Variants in SCD5 observed in about 807,000 individuals in gnomAD.
SCD5 encodes stearoyl-CoA desaturase 5.
A neutral mutation model predicts 30.4 loss-of-function variants in SCD5; 20 were observed. The ratio of observed to expected loss-of-function variants is 0.66; its 90% confidence interval spans 0.46 to 0.96. The LOEUF (loss-of-function observed/expected upper bound fraction) is 0.96, where lower values mean the gene tolerates loss of function less well. Ranked by LOEUF, SCD5 falls within the 40% of genes least tolerant of loss-of-function variation. SCD5 has a pLI of 0.00. For missense variants in SCD5, 381 were observed against 443.3 expected, an observed-to-expected ratio of 0.86 and a Z score of 1.26; for synonymous variants, 173 against 176.4, an observed-to-expected ratio of 0.98 and a Z score of 0.16.
At chr4:82,794,736 A>G (rs187564293) in intron 1 of SCD5, among the ~76,000 whole-genome samples, 5 of 144,720 alleles carry the variant, frequency 3.5e-5, no homozygotes, top group Non-Finnish European at 6.0e-5. Flanking sequence ...TGCAAGCTCC[A>G]CCTCCCAGGT....
In SCD5 at chr4:82,630,422, T is replaced by A. The variant is rs544679076; in HGVS notation, c.*905A>T. 1 of 152,208 alleles carries A rather than the reference T, an allele frequency of 6.6e-6. No homozygotes were observed. Among genetic ancestry groups the A allele is most frequent in the Non-Finnish European group, 1.5e-5 (1 of 68,046 alleles). 9.4% of individuals were successfully genotyped at this position (152,208 alleles called of 1,614,324 possible). A position where few individuals can be genotyped will look rare whatever the true frequency, so the allele number is the denominator to read the frequency against. On this transcript the variant is annotated 3_prime_UTR_variant, in exon 5 of 5. Coordinates refer to ENST00000319540, the MANE Select transcript of SCD5 (RefSeq NM_001037582.3). ...AGTTACCACATAGATCCCCCTTCTG[T>A]CTTCTACCCTGCCTCTCTGCTCCTT...
intron 1 of SCD5, among the ~76,000 whole-genome samples, chr4:82,755,653 G>C (rs553746333): frequency 2.0e-5 from 3 of 152,276 alleles, no homozygotes; most frequent in East Asian, 3.9e-4. Context: ...CGCTCAAAAA[G>C]GATGGCTTAA....
chr4:82,635,706 C>G (rs1727414243), intron 4 of SCD5, among the ~76,000 whole-genome samples: 1 of 151,776 alleles, frequency 6.6e-6, no homozygotes, highest in African/African-American at 2.4e-5. Context: ...ATTTAGCCCT[C>G]TAATGACCCA....
intron 3 of SCD5, among the ~76,000 whole-genome samples, chr4:82,656,311 G>C (rs1727867471): frequency 6.6e-6 from 1 of 152,108 alleles, no homozygotes; most frequent in Non-Finnish European, 1.5e-5. Context: ...TGTCCATGTG[G>C]TTTCATTGCT....
chr4:82,796,531 G>A (rs2148855912), intron 1 of SCD5, among the ~76,000 whole-genome samples: 1 of 152,304 alleles, frequency 6.6e-6, no homozygotes, highest in African/African-American at 2.4e-5. Context: ...GGAGAGAGGG[G>A]CCTTGTCCTT....
intron 1 of SCD5, among the ~76,000 whole-genome samples, chr4:82,762,527 G>A (rs1488744095): frequency 1.3e-5 from 2 of 152,202 alleles, no homozygotes; most frequent in African/African-American, 4.8e-5. Flanking sequence ...ACAGGCGTGA[G>A]CCATTGCATC....
intron 1 of SCD5, among the ~76,000 whole-genome samples, chr4:82,706,875 C>A (rs1017126617): frequency 6.6e-6 from 1 of 152,258 alleles, no homozygotes; most frequent in African/African-American, 2.4e-5. Context: ...CTTGCTTAAT[C>A]TAGCTTGCAC....
intron 1 of SCD5, among the ~76,000 whole-genome samples, chr4:82,747,658 T>C (rs1721023454): frequency 6.6e-6 from 1 of 152,274 alleles, no homozygotes; most frequent in Admixed American, 6.5e-5. Context: ...ATTTTTGTTA[T>C]GCCAGCCCTT....
chr4:82,776,631 G>A (rs978476021), intron 1 of SCD5, among the ~76,000 whole-genome samples: 1 of 152,120 alleles, frequency 6.6e-6, no homozygotes, highest in Non-Finnish European at 1.5e-5. Flanking sequence ...CTCTTCCAAC[G>A]AGCATCTGTC....
chr4:82,686,429 A>C (rs1728704877), intron 2 of SCD5, among the ~76,000 whole-genome samples: 1 of 152,246 alleles, frequency 6.6e-6, no homozygotes, highest in African/African-American at 2.4e-5. Context: ...GCAAATGAGC[A>C]CTACATATCA....
intron 2 of SCD5, among the ~76,000 whole-genome samples, chr4:82,701,936 C>T (rs1719852317): frequency 6.6e-6 from 1 of 152,066 alleles, no homozygotes; most frequent in South Asian, 2.1e-4. Flanking sequence ...CATCTCTCAC[C>T]TGGGTCCATC....
chr4:82,714,197 C>G (rs1025513885), intron 1 of SCD5, among the ~76,000 whole-genome samples: 1 of 152,212 alleles, frequency 6.6e-6, no homozygotes, highest in Non-Finnish European at 1.5e-5. Context: ...TCTCTTGACC[C>G]CACTTCCCCA....
intron 1 of SCD5, among the ~76,000 whole-genome samples, chr4:82,770,011 TC>T (rs1384289173): frequency 1.3e-5 from 2 of 152,198 alleles, no homozygotes; most frequent in Non-Finnish European, 2.9e-5. Flanking sequence ...TCTGTAAACT[TC>T]CTGTCACACC....
chr4:82,745,321 C>T (rs1030713238), intron 1 of SCD5, among the ~76,000 whole-genome samples: 1 of 152,194 alleles, frequency 6.6e-6, no homozygotes, highest in Non-Finnish European at 1.5e-5. Flanking sequence ...ACTCAAAAGT[C>T]CACGTAACCA....
At chr4:82,789,549 T>A (rs1385921660) in intron 1 of SCD5, among the ~76,000 whole-genome samples, 1 of 152,338 alleles carries the variant, frequency 6.6e-6, no homozygotes, top group East Asian at 1.9e-4. Context: ...AGGACCACAC[T>A]TTGAGTAGCA....
chr4:82,693,817 C>T (rs1357267278), intron 2 of SCD5, among the ~76,000 whole-genome samples: 1 of 152,192 alleles, frequency 6.6e-6, no homozygotes, highest in African/African-American at 2.4e-5. Flanking sequence ...AGGGCAGAGG[C>T]TGTATAGACA....
intron 1 of SCD5, among the ~76,000 whole-genome samples, chr4:82,786,715 C>T (rs1028294280): frequency 1.3e-5 from 2 of 150,984 alleles, no homozygotes; most frequent in African/African-American, 4.9e-5. Flanking sequence ...TCGCTTGAAC[C>T]CAGAAGGCAG....
intron 1 of SCD5, among the ~76,000 whole-genome samples, chr4:82,715,465 C>G (rs36008702): frequency 0.11 from 16,884 of 151,252 alleles, 1,128 homozygotes; most frequent in Admixed American, 0.17. Context: ...GCATCCAGAG[C>G]CTAGATTAGG....
Position 82,631,340 on chromosome 4 carries a change from T to C in SCD5, c.980A>G (p.Asp327Gly). The C allele has an allele frequency of 6.2e-7, 1 of 1,613,724 alleles. No homozygotes were observed. Among genetic ancestry groups the C allele is most frequent in the Non-Finnish European group, 8.5e-7 (1 of 1,179,826 alleles). Residue 327 changes from aspartate to glycine, a missense_variant, in exon 5 of 5, where the codon GAC becomes GGC. Transcript: ENST00000319540. The stretch of plus-strand genomic sequence containing the variant: ...GCTGTTCCAAGTTCAAGCACTGCTG[T>C]CTCCAGTCCTGGCCTTCCGGGCCTC... ...MIEARKARTG[D>G]SSA
Sources: gnomAD v4.1 joint callset for allele counts (sites outside exome capture counted in the v4.1 genomes callset) on GRCh38, gnomAD v4.1.1 for gene constraint, MANE v1.5 for transcripts, NCBI Gene and HGNC (gene_info 2026-07-23, HGNC 2026-07-21) for gene names.